The following CADPS2 variants were observed in gnomAD, a reference collection of about 807,000 sequenced individuals.
The protein encoded by CADPS2 is calcium-dependent secretion activator 2.
A neutral mutation model predicts 172.5 loss-of-function variants in CADPS2; 93 were observed. That is an observed-to-expected ratio of 0.54 (90% CI 0.46 to 0.64). The LOEUF is 0.64. CADPS2 is among the 30% of genes least tolerant of loss of function. The pLI is 0.00. For synonymous variants in CADPS2, 546 were observed against 555.2 expected (o/e 0.98, Z 0.23); for missense variants, 1,420 against 1,565.9 (o/e 0.91, Z 1.57).
chr7:122,577,535 T>C (rs1307075958), intron 7 of CADPS2, among the ~76,000 whole-genome samples: 3 of 152,204 alleles, frequency 2.0e-5, no homozygotes, highest in Admixed American at 6.6e-5. Flanking sequence ...TGTATGGATG[T>C]GCCACGGTTT....
intron 1 of CADPS2, among the ~76,000 whole-genome samples, chr7:122,799,579 G>C (rs1797146399): frequency 6.7e-6 from 1 of 149,356 alleles, no homozygotes; most frequent in Admixed American, 6.7e-5. Flanking sequence ...ACTCCAGCCT[G>C]GGTGACAGAG....
chr7:122,664,714 C>T, intron 2 of CADPS2, among the ~76,000 whole-genome samples: 1 of 152,166 alleles, frequency 6.6e-6, no homozygotes, highest in East Asian at 1.9e-4. Flanking sequence ...GAAAAGCCTG[C>T]AGGACAATTT....
intron 25 of CADPS2, among the ~76,000 whole-genome samples, chr7:122,371,946 G>A (rs952268303): frequency 6.6e-6 from 1 of 152,032 alleles, no homozygotes; most frequent in Non-Finnish European, 1.5e-5. Flanking sequence ...TGTACAGAAA[G>A]CAACTGGAAA....
chr7:122,324,308 T>A (rs2033349331), intron 29 of CADPS2, among the ~76,000 whole-genome samples: 1 of 152,154 alleles, frequency 6.6e-6, no homozygotes, highest in Non-Finnish European at 1.5e-5. Flanking sequence ...CAAGCAGGCA[T>A]AAAAATAATT....
intron 17 of CADPS2, 51 bp from the exon 18 acceptor site, chr7:122,416,215 C>A: frequency 9.5e-7 from 1 of 1,048,586 alleles, no homozygotes; most frequent in Non-Finnish European, 1.4e-6. Flanking sequence ...AAAAGCCAAA[C>A]ATATTTGAAG....
chr7:122,441,483 A>G, intron 16 of CADPS2, 29 bp downstream of exon 16: 1 of 1,440,148 alleles, frequency 6.9e-7, no homozygotes, highest in Non-Finnish European at 9.4e-7. Flanking sequence ...GAAAGCAAAT[A>G]GTATTTATAA....
At position 122,792,677 on chromosome 7, in the gene CADPS2, T is replaced by C. The variant is rs141188054; in HGVS notation, c.340-55609A>G. On this transcript the variant is annotated intron_variant, in intron 1 of 29. Coordinates refer to ENST00000449022, the MANE Select transcript of CADPS2 (RefSeq NM_017954.11). ...TTCAAGTACATTAGATTTGCTGATC[T>C]TTCCAATAGTGTATTTTCTTTATAA... 2.2e-4 allele frequency among the ~76,000 whole-genome samples: 33 copies of C among 152,308 alleles called. No individual in the cohort carries two copies. The East Asian group carries it at 5.8e-3, about 27-fold the overall frequency.
At chr7:122,726,325 C>G (rs1459019693) in intron 2 of CADPS2, among the ~76,000 whole-genome samples, 4 of 151,940 alleles carry the variant, frequency 2.6e-5, no homozygotes, top group Non-Finnish European at 5.9e-5. Flanking sequence ...TACTAGGAAA[C>G]AGACGAACAA....
At chr7:122,694,443 CCCT>C (rs962939306) in intron 2 of CADPS2, among the ~76,000 whole-genome samples, 2 of 152,140 alleles carry the variant, frequency 1.3e-5, no homozygotes, top group Non-Finnish European at 2.9e-5. Flanking sequence ...ATCAGAGTCA[CCCT>C]GGTCATCAAC....
intron 15 of CADPS2, among the ~76,000 whole-genome samples, chr7:122,447,410 G>C (rs986473236): frequency 1.3e-5 from 2 of 151,644 alleles, no homozygotes; most frequent in African/African-American, 4.8e-5. Context: ...TTTAATCTAC[G>C]TTGAAGCATT....
chr7:122,401,680 T>C (rs2045973249), intron 20 of CADPS2, among the ~76,000 whole-genome samples: 1 of 152,206 alleles, frequency 6.6e-6, no homozygotes, highest in Non-Finnish European at 1.5e-5. Context: ...TTTCCTTAGA[T>C]ACCATTTAAA....
At chr7:122,462,587 CAT>C (rs1479837557) in intron 14 of CADPS2, among the ~76,000 whole-genome samples, 6 of 151,914 alleles carry the variant, frequency 3.9e-5, no homozygotes, top group Admixed American at 2.0e-4. Flanking sequence ...CAGAAATAGT[CAT>C]ATTGAAAAAT....
intron 22 of CADPS2, among the ~76,000 whole-genome samples, chr7:122,390,061 T>C (rs1408532505): frequency 6.6e-6 from 1 of 152,016 alleles, no homozygotes; most frequent in Non-Finnish European, 1.5e-5. Context: ...CTACACTGCT[T>C]TTCTCTTCTC....
intron 7 of CADPS2, among the ~76,000 whole-genome samples, chr7:122,557,340 T>C (rs980399910): frequency 1.1e-4 from 16 of 152,146 alleles, no homozygotes; most frequent in Admixed American, 9.8e-4. Context: ...GAACACACAA[T>C]ACAGCTCTAA....
At chr7:122,720,248 TTA>T (rs1406142801) in intron 2 of CADPS2, among the ~76,000 whole-genome samples, 16 of 151,934 alleles carry the variant, frequency 1.1e-4, no homozygotes, top group African/African-American at 3.6e-4. Context: ...AATTACACTT[TTA>T]GTTATAATTT....
rs73433721 is a variant in CADPS2, at chr7:122,511,429, C to T, written c.1542+1820G>A. ...CAAAAAGCATGAGGTGATCATTTGACCTCTTAAGACTGATCTACAAAAGCC... is the reference window on the plus strand; with the variant it reads ...CAAAAAGCATGAGGTGATCATTTGATCTCTTAAGACTGATCTACAAAAGCC... On this transcript the variant is annotated intron_variant, in intron 9 of 29. Coordinates refer to ENST00000449022, the MANE Select transcript of CADPS2 (RefSeq NM_017954.11). 7.4e-3 allele frequency among the ~76,000 whole-genome samples: 1,132 copies of T among 152,154 alleles called. 11 individuals are homozygous for T. The highest frequency in any genetic ancestry group is 0.027 in the Middle Eastern group (8 of 294).
intron 4 of CADPS2, among the ~76,000 whole-genome samples, chr7:122,623,985 G>A (rs1238562756): frequency 1.3e-5 from 2 of 152,092 alleles, no homozygotes; most frequent in African/African-American, 4.8e-5. Flanking sequence ...TGTCAAACAG[G>A]AGAAAAGCAG....
chr7:122,496,328 ACTGTTT>A (rs769428834), intron 9 of CADPS2, among the ~76,000 whole-genome samples: 1 of 151,854 alleles, frequency 6.6e-6, no homozygotes, highest in Non-Finnish European at 1.5e-5. Flanking sequence ...TATCTGGCTA[ACTGTTT>A]CTGTTTTTAG....
Position 122,452,188 on chromosome 7 carries a change from T to A in CADPS2, c.2187-713A>T, listed in dbSNP as rs182611080. Among the ~76,000 whole-genome samples, 8 of 152,314 alleles carry A rather than the reference T, an allele frequency of 5.3e-5. 1 individual carries two copies. The highest frequency in any genetic ancestry group is 1.9e-4 in the African/African-American group (8 of 41,578). ...TAAAATATATCAAATAACAGAAATT[T>A]AGAATTTATTCTGTATCAATTTAGG... On this transcript the variant is annotated intron_variant, in intron 14 of 29. Transcript: ENST00000449022.
Sources: allele counts gnomAD v4.1 joint callset (sites outside exome capture counted in the v4.1 genomes callset), GRCh38; gene constraint gnomAD v4.1.1; transcripts MANE v1.5; gene names NCBI Gene and HGNC (gene_info 2026-07-23, HGNC 2026-07-21).